Variants in AP2A1 observed in about 807,000 individuals in gnomAD.
AP2A1 encodes AP-2 complex subunit alpha-1.
AP2A1 carries 21 observed loss-of-function variants against 107.3 expected under a neutral mutation model. The ratio of observed to expected loss-of-function variants is 0.20; its 90% CI spans 0.14 to 0.28. The LOEUF (loss-of-function observed/expected upper bound fraction) is 0.28, where lower values mean the gene tolerates loss of function less well. AP2A1 is among the 10% of genes least tolerant of loss of function. The pLI is 1.00. For missense variants in AP2A1, 873 were observed against 1,307.7 expected (o/e 0.67, Z 5.13); for synonymous variants, 602 against 564.8 (o/e 1.07, Z -0.93).
intron 1 of AP2A1, among the ~76,000 whole-genome samples, chr19:49,771,145 C>G (rs1208507607): frequency 6.6e-6 from 1 of 151,594 alleles, no homozygotes; most frequent in African/African-American, 2.4e-5. Flanking sequence ...GCTACCATGC[C>G]CGGCAGCATT....
At chr19:49,803,031 G>A in intron 16 of AP2A1, 26 bp downstream of exon 16, 4 of 1,613,772 alleles carry the variant, frequency 2.5e-6, no homozygotes, top group Non-Finnish European at 3.4e-6. Flanking sequence ...GGTGGGGGAG[G>A]GGAACGGGAC....
intron 4 of AP2A1, among the ~76,000 whole-genome samples, chr19:49,786,479 T>C (rs528128240): frequency 2.0e-5 from 3 of 152,278 alleles, no homozygotes; most frequent in African/African-American, 7.2e-5. Context: ...AGCATGGGGA[T>C]TGATGGCAGT....
intron 1 of AP2A1, among the ~76,000 whole-genome samples, chr19:49,778,902 C>CAT (rs3038856): frequency 2.0e-5 from 3 of 150,358 alleles, no homozygotes; most frequent in Non-Finnish European, 3.0e-5. Context: ...ATGACAAAAC[C>CAT]ATATATATAT....
intron 15 of AP2A1, 86 bp downstream of exon 15, chr19:49,802,227 C>A (rs1300203824): frequency 1.8e-6 from 2 of 1,086,432 alleles, no homozygotes; most frequent in Non-Finnish European, 1.4e-6. Flanking sequence ...TCCCTGAGCC[C>A]CTCCCCCGCC....
chr19:49,769,950 C>A (rs1271841691), intron 1 of AP2A1, among the ~76,000 whole-genome samples: 1 of 152,036 alleles, frequency 6.6e-6, no homozygotes, highest in Non-Finnish European at 1.5e-5. Context: ...CTCACTGCAA[C>A]CTCCGCCTCC....
intron 1 of AP2A1, among the ~76,000 whole-genome samples, chr19:49,780,514 A>C (rs2084663512): frequency 6.6e-6 from 1 of 152,122 alleles, no homozygotes; most frequent in African/African-American, 2.4e-5. Flanking sequence ...TGACACCGGC[A>C]GGGTTGCTGT....
At chr19:49,770,108 A>G (rs1332517312) in intron 1 of AP2A1, among the ~76,000 whole-genome samples, 1 of 152,164 alleles carries the variant, frequency 6.6e-6, no homozygotes. Context: ...ACCTCAAGTG[A>G]TCTGCCCGCC....
At chr19:49,772,260 T>TTG (rs1482404565) in intron 1 of AP2A1, among the ~76,000 whole-genome samples, 9 of 130,590 alleles carry the variant, frequency 6.9e-5, no homozygotes, top group South Asian at 2.7e-4. Context: ...TTTTTTTTTT[T>TTG]TTTTTTTTTT....
intron 11 of AP2A1, among the ~76,000 whole-genome samples, chr19:49,800,468 T>TGTTC (rs1346587537): frequency 6.6e-6 from 1 of 152,140 alleles, no homozygotes; most frequent in Non-Finnish European, 1.5e-5. Flanking sequence ...TTTGTTTGTT[T>TGTTC]GTTTCTGGAG....
At chr19:49,767,296 G>A in intron 1 of AP2A1, 96 bp downstream of exon 1, 1 of 1,465,186 alleles carries the variant, frequency 6.8e-7, no homozygotes, top group Non-Finnish European at 9.4e-7. Context: ...GGGATCAAAA[G>A]CCTCTGCGGC....
Position 49,798,837 on chromosome 19 carries a change from CTG to C in AP2A1, c.851_852del (p.Leu284ArgfsTer37). On this transcript the variant is annotated frameshift_variant, in exon 8 of 23. Coordinates refer to ENST00000354293, the MANE Select transcript of AP2A1 (RefSeq NM_130787.3). LOFTEE classifies it high-confidence loss of function. ...TGTGAAGGGGCGGCTGGTGGAATGT[CTG>C]GAGACTGTGCTCAACAAGGCCCAGG... Reference protein sequence around the residue: ...AAVKGRLVECLETVLNKAQEP... With the variant: ...AAVKGRLVECXETVLNKAQEP... The C allele has an allele frequency of 6.2e-7, 1 of 1,603,688 alleles. No homozygotes were observed. Among genetic ancestry groups the C allele is most frequent in the Non-Finnish European group, 8.5e-7 (1 of 1,175,378 alleles).
In AP2A1 at chr19:49,798,921, G is replaced by A; in HGVS notation, c.934G>A (p.Glu312Lys). The A allele has an allele frequency of 6.4e-7, 1 of 1,555,026 alleles. No homozygotes were observed. The highest frequency in any genetic ancestry group is 8.7e-7 in the Non-Finnish European group (1 of 1,149,008). Reference sequence around the variant, plus strand: ...CAACGCCAAGAACGCCATCCTCTTCGAGACCATCAGCCTCATCATCCACTA... The same window carrying A: ...CAACGCCAAGAACGCCATCCTCTTCAAGACCATCAGCCTCATCATCCACTA... ...HSNAKNAILFETISLIIHYDS... is the reference protein window; with the variant it reads ...HSNAKNAILFKTISLIIHYDS... The change falls in exon 8 of 23, where the codon GAG (glutamate) becomes AAG (lysine). Residue 312 changes from glutamate (E) to lysine (K), a missense_variant. Physicochemically the swap from Glu to Lys is moderately conservative, Grantham distance 56. Coordinates refer to ENST00000354293, the MANE Select transcript of AP2A1 (RefSeq NM_130787.3).
In AP2A1 at chr19:49,801,856, C is replaced by A. The variant is rs374141628; in HGVS notation, c.1920C>A (p.Ile640=). The A allele has an allele frequency of 1.3e-6, 2 of 1,505,122 alleles. No homozygotes were observed. Among genetic ancestry groups the A allele is most frequent in the Non-Finnish European group, 1.8e-6 (2 of 1,130,114 alleles). The allele number at this position is 1,505,122 out of a possible 1,614,324, so 93.2% of individuals were successfully genotyped here. ...GGAGGGACCCCAGCAGCAACGACAT[C>A]AACGGGGGCATGGAGCCCACCCCCA... is the stretch of plus-strand genomic sequence containing the variant. ...DGRRDPSSND[I]NGGMEPTPST... is the part of the protein sequence containing the mutation. The change falls in exon 14 of 23, where the codon ATC becomes ATA. Residue 640 remains isoleucine, a synonymous_variant. Transcript: ENST00000354293.
In AP2A1 at chr19:49,785,236, G is replaced by A. The variant is rs1235699712; in HGVS notation, c.473+2512G>A. Among the ~76,000 whole-genome samples the A allele has an allele frequency of 2.6e-5, 4 of 152,214 alleles. No individual in the cohort carries two copies. Among genetic ancestry groups the A allele is most frequent in the African/African-American group, 4.8e-5 (2 of 41,458 alleles). Reference sequence around the variant, plus strand: ...ATAAGCAAAAGTACAGACTGTAGGGGGTGACTGTGGGGCAGCAAGACCAGC... The same window carrying A: ...ATAAGCAAAAGTACAGACTGTAGGGAGTGACTGTGGGGCAGCAAGACCAGC... On this transcript the variant is annotated intron_variant, in intron 4 of 22. Transcript: ENST00000354293. The surrounding 1 kb of genome is among the most constrained non-coding windows in gnomAD (Gnocchi z 4.1).
chr19:49,802,452 T>C, intron 15 of AP2A1: 3 of 1,361,192 alleles, frequency 2.2e-6, no homozygotes, highest in African/African-American at 2.9e-5. Flanking sequence ...TCTGTCTCTC[T>C]TCTGCCCTCT....
At position 49,806,415 on chromosome 19, in the gene AP2A1, TCTC is replaced by T. The variant is rs575474324; in HGVS notation, c.2790+165_2790+167del. 90 of 1,436,278 alleles carry T rather than the reference TCTC, an allele frequency of 6.3e-5. No homozygotes were observed. The East Asian group carries it at 9.3e-4, about 15-fold the overall frequency. 89.0% of individuals were successfully genotyped at this position (1,436,278 alleles called of 1,614,324 possible). A position where few individuals can be genotyped will look rare whatever the true frequency, so the allele number is the denominator to read the frequency against. On this transcript the variant is annotated intron_variant, in intron 22 of 22. Transcript: ENST00000354293. Reference sequence around the variant, plus strand: ...TACTCCTCTTTATCTATCAGTTTAATCTCCTGTCTCCAACCTCTGGTGTTCCTC... The same window carrying T: ...TACTCCTCTTTATCTATCAGTTTAATCTGTCTCCAACCTCTGGTGTTCCTC...
At chr19:49,781,916 TG>T in intron 2 of AP2A1, 30 bp from the exon 3 acceptor site, 1 of 1,606,206 alleles carries the variant, frequency 6.2e-7, no homozygotes, top group South Asian at 1.1e-5. Flanking sequence ...TCCTTATTTC[TG>T]GCTCCCCTTT....
chr19:49,798,618 C>G lies in AP2A1; in HGVS notation c.815-184C>G, dbSNP rs113739636. Among the ~76,000 whole-genome samples the G allele has an allele frequency of 4.8e-3, 734 of 152,260 alleles. 2 individuals carry two copies. Among genetic ancestry groups the G allele is most frequent in the African/African-American group, 0.016 (683 of 41,548 alleles). On this transcript the variant is annotated intron_variant, in intron 7 of 22. Transcript: ENST00000354293. ...CTCCAGAGGTGCCTTGTCTCACCAT[C>G]TCTGCTGGGCTGGGAAGAGGTTGAG...
Position 49,799,715 on chromosome 19 carries a change from G to A in AP2A1, c.1221G>A (p.Ser407=), listed in dbSNP as rs377523946. 20 of 1,613,344 alleles carry A rather than the reference G, an allele frequency of 1.2e-5. No individual in the cohort carries two copies. Among genetic ancestry groups the A allele is most frequent in the East Asian group, 6.7e-5 (3 of 44,888 alleles). The change falls in exon 10 of 23, where the codon TCG becomes TCA. Residue 407 remains serine (S), a synonymous_variant. Transcript: ENST00000354293. ...CDRSNAKQIV[S]EMLRYLETAD... ...GGAGCAATGCCAAGCAGATCGTGTC[G>A]GAGATGCTGCGGTACCTGGAGACGG... is the stretch of plus-strand genomic sequence containing the variant.
Sources: allele counts gnomAD v4.1 joint callset (sites outside exome capture counted in the v4.1 genomes callset), GRCh38; gene constraint gnomAD v4.1.1; non-coding constraint Gnocchi (gnomAD v3.1); transcripts MANE v1.5; gene names NCBI Gene and HGNC (gene_info 2026-07-23, HGNC 2026-07-21).